The following SLC9C1 variants were observed in gnomAD, a reference collection of about 807,000 sequenced individuals.
SLC9C1 encodes the protein sodium/hydrogen exchanger 10.
SLC9C1 carries 97 observed loss-of-function variants against 140.9 expected under a neutral mutation model. The observed-to-expected ratio is 0.69, with a 90% confidence interval of 0.58 to 0.82. The LOEUF (loss-of-function observed/expected upper bound fraction) is 0.82, where lower values mean the gene tolerates loss of function less well. Among genes scored for constraint, SLC9C1 ranks in the 40% least tolerant of loss-of-function variants. The pLI is 0.00. For missense variants in SLC9C1, 1,340 were observed against 1,389.3 expected, an observed-to-expected ratio of 0.96 and a Z score of 0.56; for synonymous variants, 440 against 442.6, an observed-to-expected ratio of 0.99 and a Z score of 0.07.
intron 11 of SLC9C1, among the ~76,000 whole-genome samples, chr3:112,240,806 T>C (rs369606658): frequency 6.6e-6 from 1 of 152,242 alleles, no homozygotes; most frequent in East Asian, 1.9e-4. Context: ...GTTTCTAGCT[T>C]CCTAAGAAAT....
chr3:112,179,756 A>G (rs1576283652), intron 22 of SLC9C1, 55 bp from the exon 23 acceptor site: 1 of 1,444,426 alleles, frequency 6.9e-7, no homozygotes, highest in East Asian at 2.5e-5. Context: ...TTGTATTACC[A>G]AAACTAATTT....
chr3:112,232,137 T>C (rs1453171948), intron 12 of SLC9C1, among the ~76,000 whole-genome samples: 1 of 152,190 alleles, frequency 6.6e-6, no homozygotes, highest in African/African-American at 2.4e-5. Flanking sequence ...AGGTTGGTGT[T>C]CTATCTTTAA....
At chr3:112,218,534 A>G (rs1447947380) in intron 14 of SLC9C1, among the ~76,000 whole-genome samples, 1 of 152,234 alleles carries the variant, frequency 6.6e-6, no homozygotes, top group Non-Finnish European at 1.5e-5. Flanking sequence ...GCGGTAAATA[A>G]ATGGAAAATG....
intron 20 of SLC9C1, chr3:112,185,422 G>A (rs565598983): frequency 1.0e-5 from 13 of 1,267,902 alleles, no homozygotes; most frequent in Non-Finnish European, 1.4e-5. Flanking sequence ...ACTCAGGGGT[G>A]GGGGGGTCTC....
intron 14 of SLC9C1, among the ~76,000 whole-genome samples, chr3:112,218,053 A>T (rs527951541): frequency 6.6e-6 from 1 of 152,316 alleles, no homozygotes; most frequent in East Asian, 1.9e-4. Flanking sequence ...TTCAAAGCAG[A>T]TAGTAAGGTT....
At chr3:112,178,936 T>A (rs151323461) in intron 23 of SLC9C1, among the ~76,000 whole-genome samples, 1 of 152,342 alleles carries the variant, frequency 6.6e-6, no homozygotes, top group Non-Finnish European at 1.5e-5. Context: ...AAGATAAATG[T>A]TTACTTCTTT....
chr3:112,223,087 A>G (rs1037671854), intron 13 of SLC9C1, among the ~76,000 whole-genome samples: 3 of 152,204 alleles, frequency 2.0e-5, no homozygotes, highest in African/African-American at 7.2e-5. Flanking sequence ...TATATTAAAG[A>G]ATGAAATATG....
At chr3:112,264,608 G>T (rs1381690817) in intron 8 of SLC9C1, among the ~76,000 whole-genome samples, 2 of 151,924 alleles carry the variant, frequency 1.3e-5, no homozygotes, top group Non-Finnish European at 2.9e-5. Context: ...TTTAGTCTCA[G>T]TATGGTTGCA....
intron 26 of SLC9C1, among the ~76,000 whole-genome samples, chr3:112,158,747 T>C (rs2075199201): frequency 6.6e-6 from 1 of 151,788 alleles, no homozygotes; most frequent in Non-Finnish European, 1.5e-5. Flanking sequence ...TCAATTTTGA[T>C]AGGTTGTATG....
intron 26 of SLC9C1, among the ~76,000 whole-genome samples, chr3:112,161,324 T>A (rs572599041): frequency 1.2e-4 from 18 of 152,346 alleles, no homozygotes; most frequent in Admixed American, 1.1e-3. Context: ...CTTTTTGTGT[T>A]TTAGACATGA....
chr3:112,179,990 A>G (rs1199395775), intron 22 of SLC9C1, among the ~76,000 whole-genome samples: 4 of 152,212 alleles, frequency 2.6e-5, no homozygotes, highest in African/African-American at 4.8e-5. Flanking sequence ...ATAACAATTT[A>G]TATTATAATT....
chr3:112,251,557 C>T (rs1203784315), intron 10 of SLC9C1, among the ~76,000 whole-genome samples: 2 of 152,116 alleles, frequency 1.3e-5, no homozygotes, highest in African/African-American at 4.8e-5. Flanking sequence ...GGAGGTGATC[C>T]AGGAGGCCTG....
intron 18 of SLC9C1, 104 bp from the exon 19 acceptor site, chr3:112,200,866 G>C: frequency 9.8e-7 from 1 of 1,020,992 alleles, no homozygotes; most frequent in South Asian, 1.6e-5. Context: ...ATAGTTTTAA[G>C]AGAAGTAGGA....
chr3:112,234,006 T>C (rs2078909876), intron 12 of SLC9C1, among the ~76,000 whole-genome samples: 1 of 152,218 alleles, frequency 6.6e-6, no homozygotes, highest in Non-Finnish European at 1.5e-5. Flanking sequence ...AGTAATGGGA[T>C]GGCTGGGTCA....
intron 20 of SLC9C1, chr3:112,185,478 A>T (rs1051964836): frequency 1.2e-6 from 2 of 1,609,438 alleles, no homozygotes; most frequent in African/African-American, 2.7e-5. Context: ...TGGGGCGCAG[A>T]GTTACACCTG....
At chr3:112,278,966 T>C (rs752641430) in intron 3 of SLC9C1, 109 bp from the exon 4 acceptor site, 7 of 1,105,940 alleles carry the variant, frequency 6.3e-6, no homozygotes, top group Non-Finnish European at 7.6e-6. Context: ...TTTTAAAAGA[T>C]ATATCACACA....
chr3:112,273,565 G>A (rs1488509932), intron 6 of SLC9C1, among the ~76,000 whole-genome samples: 1 of 152,122 alleles, frequency 6.6e-6, no homozygotes. Flanking sequence ...TTGAGGGAGG[G>A]GTGAGGGGGT....
At chr3:112,232,978 C>G (rs2078868019) in intron 12 of SLC9C1, among the ~76,000 whole-genome samples, 1 of 150,382 alleles carries the variant, frequency 6.6e-6, no homozygotes, top group Non-Finnish European at 1.5e-5. Context: ...GACCCCTGAC[C>G]CCTCCCAATT....
intron 2 of SLC9C1, among the ~76,000 whole-genome samples, chr3:112,282,376 GT>G (rs34343097): frequency 0.29 from 44,457 of 152,162 alleles, 7,043 homozygotes; most frequent in East Asian, 0.45. Flanking sequence ...CATTTTGCTT[GT>G]TGACTTTCTG....
Sources: gnomAD v4.1 joint callset for allele counts (sites outside exome capture counted in the v4.1 genomes callset) on GRCh38, gnomAD v4.1.1 for gene constraint, MANE v1.5 for transcripts, NCBI Gene and HGNC (gene_info 2026-07-23, HGNC 2026-07-21) for gene names.